FRK: variants seen among roughly 807,000 people sequenced by gnomAD.
The protein encoded by FRK is tyrosine-protein kinase FRK.
A neutral mutation model predicts 56.4 loss-of-function variants in FRK; 51 were observed. That is an observed-to-expected ratio of 0.90 (90% confidence interval 0.72 to 1.14). The LOEUF (loss-of-function observed/expected upper bound fraction) is 1.14. Among genes scored for constraint, FRK ranks in the 50% most tolerant of loss-of-function variants. FRK has a pLI of 0.00. For missense variants in FRK, 570 were observed against 601.4 expected, an observed-to-expected ratio of 0.95 and a Z score of 0.55; for synonymous variants, 245 against 217.9, an observed-to-expected ratio of 1.12 and a Z score of -1.10.
At position 115,944,334 on chromosome 6, in the gene FRK, G is replaced by A; in HGVS notation, c.1050C>T (p.Tyr350=). 1 of 1,613,076 alleles carries A rather than the reference G, an allele frequency of 6.2e-7. No individual in the cohort carries two copies. Among genetic ancestry groups the A allele is most frequent in the Non-Finnish European group, 8.5e-7 (1 of 1,179,568 alleles). ...SGMAYLESRN[Y]IHRDLAARNV... is the part of the protein sequence containing the mutation. The stretch of plus-strand genomic sequence containing the variant: ...TTCTGGCAGCCAGATCTCTGTGAAT[G>A]TAGTTCCGAGACTCCAGATAGGCCA... Residue 350 remains tyrosine, a synonymous_variant, in exon 6 of 8, where the codon TAC becomes TAT. Coordinates refer to ENST00000606080, the MANE Select transcript of FRK (RefSeq NM_002031.3).
chr6:116,061,395 G>A (rs186964875), upstream of FRK, among the ~76,000 whole-genome samples: 106 of 118,004 alleles, frequency 9.0e-4, no homozygotes, highest in African/African-American at 3.7e-3. Context: ...AGTACTATTT[G>A]GGAAACACAC....
At chr6:115,989,918 T>C (rs1774532523) in intron 2 of FRK, among the ~76,000 whole-genome samples, 1 of 151,968 alleles carries the variant, frequency 6.6e-6, no homozygotes, top group African/African-American at 2.4e-5. Context: ...TGCACAAGCA[T>C]TCCCTTTTCT....
At chr6:116,034,485 C>T (rs1776399537) in intron 1 of FRK, among the ~76,000 whole-genome samples, 1 of 152,042 alleles carries the variant, frequency 6.6e-6, no homozygotes, top group East Asian at 1.9e-4. Context: ...AGCAGCTTCC[C>T]AGAGTAGTAA....
At chr6:116,078,658 C>T in the FRK span, among the ~76,000 whole-genome samples, 4 of 152,158 alleles carry the variant, frequency 2.6e-5, no homozygotes, top group Non-Finnish European at 5.9e-5. Context: ...TTGTCAGATG[C>T]GTGCTCATGT....
chr6:116,097,495 A>G, the FRK span, among the ~76,000 whole-genome samples: 2 of 152,184 alleles, frequency 1.3e-5, no homozygotes, highest in Non-Finnish European at 2.9e-5. Context: ...CATATTTACA[A>G]TATAGATGTT....
Position 116,060,532 on chromosome 6 carries a change from C to A in FRK, c.-221G>T. 1.9e-6 allele frequency: 1 copy of A among 521,146 alleles called. No individual in the cohort carries two copies. Among genetic ancestry groups the A allele is most frequent in the South Asian group, 2.9e-5 (1 of 34,668 alleles). 32.3% of individuals were successfully genotyped at this position (521,146 alleles called of 1,614,324 possible). On this transcript the variant is annotated 5_prime_UTR_variant, in exon 1 of 8. Coordinates refer to ENST00000606080, the MANE Select transcript of FRK (RefSeq NM_002031.3). Reference sequence around the variant, plus strand: ...TGCTTTCTGTGGCTGGAGGTGCTACCCCGAGGCAAAACTGAGCAGGAGCTG... The same window carrying A: ...TGCTTTCTGTGGCTGGAGGTGCTACACCGAGGCAAAACTGAGCAGGAGCTG...
chr6:115,971,913 G>A (rs538462552), intron 2 of FRK, among the ~76,000 whole-genome samples: 29 of 152,290 alleles, frequency 1.9e-4, no homozygotes, highest in African/African-American at 6.5e-4. Flanking sequence ...AGAGCAGAGA[G>A]AAGAGGGAGT....
Position 116,059,168 on chromosome 6 carries a change from G to GTGGA in FRK, c.344+796_344+799dup, listed in dbSNP as rs571613998. Among the ~76,000 whole-genome samples, 1,049 of 152,106 alleles carry GTGGA rather than the reference G, an allele frequency of 6.9e-3. 17 individuals are homozygous for GTGGA. Among genetic ancestry groups the GTGGA allele is most frequent in the South Asian group, 0.044 (214 of 4,816 alleles). ...TGCCTGGCACTTGGAGGGGTGGTAGGTGGATGGATGGATGGATGGATGGAT... is the reference window on the plus strand; with the variant it reads ...TGCCTGGCACTTGGAGGGGTGGTAGGTGGATGGATGGATGGATGGATGGATGGAT... On this transcript the variant is annotated intron_variant, in intron 1 of 7. Transcript: ENST00000606080.
At chr6:115,960,134 C>T (rs1030006007) in intron 4 of FRK, among the ~76,000 whole-genome samples, 4 of 151,756 alleles carry the variant, frequency 2.6e-5, no homozygotes, top group South Asian at 2.1e-4. Context: ...TCTGAGGTAC[C>T]GGGTTCATCT....
At chr6:116,030,412 A>T (rs1179338312) in intron 1 of FRK, among the ~76,000 whole-genome samples, 2 of 152,142 alleles carry the variant, frequency 1.3e-5, no homozygotes, top group East Asian at 3.9e-4. Flanking sequence ...TCAGAAAATG[A>T]TAAGAGTTTT....
At chr6:115,993,458 T>A (rs928734171) in intron 2 of FRK, among the ~76,000 whole-genome samples, 1 of 151,818 alleles carries the variant, frequency 6.6e-6, no homozygotes, top group Non-Finnish European at 1.5e-5. Flanking sequence ...TATTATAATA[T>A]CTTGAAAAGA....
intron 2 of FRK, among the ~76,000 whole-genome samples, chr6:115,993,977 GT>G (rs1159555269): frequency 6.6e-6 from 1 of 151,928 alleles, no homozygotes; most frequent in African/African-American, 2.4e-5. Context: ...GTTCCTTTCA[GT>G]GAATTATGTC....
chr6:116,045,137 C>T (rs190251545), intron 1 of FRK, among the ~76,000 whole-genome samples: 2 of 137,112 alleles, frequency 1.5e-5, no homozygotes, highest in African/African-American at 2.6e-5. Flanking sequence ...GAATCAATAT[C>T]GTGAAAATGG....
intron 3 of FRK, 102 bp from the exon 4 acceptor site, chr6:115,967,821 T>C (rs1196188469): frequency 9.1e-6 from 8 of 880,124 alleles, no homozygotes; most frequent in East Asian, 2.7e-5. Context: ...TAAAACTTCT[T>C]AAAACAAAAT....
At chr6:116,026,095 C>G (rs1262048272) in intron 1 of FRK, among the ~76,000 whole-genome samples, 1 of 152,118 alleles carries the variant, frequency 6.6e-6, no homozygotes, top group Non-Finnish European at 1.5e-5. Context: ...AAGTAATCTA[C>G]CAATAACTCT....
chr6:116,091,991 C>T, the FRK span, among the ~76,000 whole-genome samples: 10 of 152,170 alleles, frequency 6.6e-5, no homozygotes, highest in African/African-American at 2.4e-4. Context: ...CTCTTGGGTC[C>T]TAATGCCAGT....
chr6:116,072,279 T>C, the FRK span, among the ~76,000 whole-genome samples: 1 of 152,084 alleles, frequency 6.6e-6, no homozygotes, highest in African/African-American at 2.4e-5. Context: ...GATTCTTAAA[T>C]AAATATATGT....
Position 115,942,345 on chromosome 6 carries a change from C to T in FRK, c.*69G>A, listed in dbSNP as rs147297157. The T allele has an allele frequency of 1.5e-3, 1,957 of 1,276,970 alleles. 21 individuals are homozygous for T. The African/African-American group carries it at 0.022, about 14-fold the overall frequency. The allele number at this position is 1,276,970 out of a possible 1,614,324, so 79.1% of individuals were successfully genotyped here. ...AACTGATTGTGCAGTTGGTTGATAA[C>T]ATTGTATTTTGGAATGGATTATTTG... On this transcript the variant is annotated 3_prime_UTR_variant, in exon 8 of 8. Coordinates refer to ENST00000606080, the MANE Select transcript of FRK (RefSeq NM_002031.3).
At position 115,933,666 on chromosome 6, in the gene FRK, T is replaced by C. The variant is rs1048333782; in HGVS notation, c.*8748A>G. The C allele has an allele frequency of 6.6e-6, 1 of 152,208 alleles. No individual in the cohort carries two copies. The highest frequency in any genetic ancestry group is 2.4e-5 in the African/African-American group (1 of 41,462). 9.4% of individuals were successfully genotyped at this position (152,208 alleles called of 1,614,324 possible). A position where few individuals can be genotyped will look rare whatever the true frequency, so the allele number is the denominator to read the frequency against. Reference sequence around the variant, plus strand: ...GAAACAAACTATATAGTGGCTGAATTTGCATATTGAAATGGGAATATTTCT... The same window carrying C: ...GAAACAAACTATATAGTGGCTGAATCTGCATATTGAAATGGGAATATTTCT... On this transcript the variant is annotated 3_prime_UTR_variant, in exon 8 of 8. Coordinates refer to ENST00000606080, the MANE Select transcript of FRK (RefSeq NM_002031.3).
Sources: gnomAD v4.1 joint callset for allele counts (sites outside exome capture counted in the v4.1 genomes callset) on GRCh38, gnomAD v4.1.1 for gene constraint, MANE v1.5 for transcripts, NCBI Gene and HGNC (gene_info 2026-07-23, HGNC 2026-07-21) for gene names.